The following RBPJ variants were observed in gnomAD, a reference collection of about 807,000 sequenced individuals.
RBPJ encodes recombination signal binding protein for immunoglobulin kappa J region.
In RBPJ, 9 loss-of-function variants were observed where a neutral mutation model predicts 67.8. That is an observed-to-expected ratio of 0.13 (90% CI 0.08 to 0.23). RBPJ has a LOEUF of 0.23. Ranked by LOEUF, RBPJ falls within the 10% of genes least tolerant of loss-of-function variation. The pLI is 1.00. For missense variants in RBPJ, 305 were observed against 595.6 expected, an observed-to-expected ratio of 0.51 and a Z score of 5.08; for synonymous variants, 198 against 203.3, an observed-to-expected ratio of 0.97 and a Z score of 0.22.
upstream of RBPJ, among the ~76,000 whole-genome samples, chr4:26,161,124 C>G (rs1419006290): frequency 6.6e-6 from 1 of 152,192 alleles, no homozygotes; most frequent in Non-Finnish European, 1.5e-5. Flanking sequence ...CAGTTCCAAG[C>G]CTCGGCCTCA....
intron 1 of RBPJ, among the ~76,000 whole-genome samples, chr4:26,213,396 T>C (rs970064646): frequency 6.6e-6 from 1 of 152,202 alleles, no homozygotes. Context: ...GGGTTTTTTT[T>C]CCTCTAAGAA....
the RBPJ span, among the ~76,000 whole-genome samples, chr4:26,155,761 T>C: frequency 1.3e-5 from 2 of 152,156 alleles, no homozygotes; most frequent in Non-Finnish European, 1.5e-5. Context: ...TTGTCAAACA[T>C]ACAACTCCTT....
chr4:26,157,092 AAC>A, the RBPJ span, among the ~76,000 whole-genome samples: 8 of 25,400 alleles, frequency 3.1e-4, no homozygotes, highest in South Asian at 1.7e-3. Context: ...CAAACAAACA[AAC>A]AAACAAAAAC....
chr4:26,301,896 G>A (rs1722089893), intron 1 of RBPJ, among the ~76,000 whole-genome samples: 1 of 152,124 alleles, frequency 6.6e-6, no homozygotes, highest in South Asian at 2.1e-4. Context: ...GGGTTCAAGT[G>A]ATTCTCCTGC....
intron 1 of RBPJ, among the ~76,000 whole-genome samples, chr4:26,355,820 T>C (rs1418021399): frequency 6.6e-6 from 1 of 152,218 alleles, no homozygotes; most frequent in Non-Finnish European, 1.5e-5. Context: ...CCATAGCTCA[T>C]GTAACAGGCA....
At chr4:26,207,348 TA>T (rs56399774) in intron 1 of RBPJ, among the ~76,000 whole-genome samples, 101,927 of 150,940 alleles carry the variant, frequency 0.68, 34,557 homozygotes, top group South Asian at 0.8. Flanking sequence ...TGTGTGTTTC[TA>T]AAAAAAAAAT....
the RBPJ span, among the ~76,000 whole-genome samples, chr4:26,105,849 C>T: frequency 1.3e-5 from 2 of 151,926 alleles, no homozygotes; most frequent in African/African-American, 4.8e-5. Context: ...TGATTTTGAT[C>T]TCTGCCCCAA....
At position 26,270,389 on chromosome 4, in the gene RBPJ, G is replaced by GAA. The variant is rs1396075052; in HGVS notation, c.-166-92055_-166-92054dup. Among the ~76,000 whole-genome samples, 85 of 57,786 alleles carry GAA rather than the reference G, an allele frequency of 1.5e-3. 9 individuals carry two copies. The highest frequency in any genetic ancestry group is 4.4e-3 in the African/African-American group (79 of 17,856). 37.9% of individuals were successfully genotyped at this position (57,786 alleles called of 152,430 possible). Reference sequence around the variant, plus strand: ...AGAAAGAAAGAAAGAAAGAAAGAAAGAAAGAAAGAAAGAAAGAAAGAAAGA... The same window carrying GAA: ...AGAAAGAAAGAAAGAAAGAAAGAAAGAAAAAGAAAGAAAGAAAGAAAGAAAGA... On this transcript the variant is annotated intron_variant, in intron 1 of 4. Transcript: ENST00000512351.
intron 1 of RBPJ, among the ~76,000 whole-genome samples, chr4:26,290,317 T>TAAA (rs35451160): frequency 9.1e-6 from 1 of 109,368 alleles, no homozygotes; most frequent in Non-Finnish European, 1.8e-5. Flanking sequence ...AGACCCTGTC[T>TAAA]AAAAAAAAAA....
chr4:26,346,626 G>C (rs1726178310), intron 1 of RBPJ, among the ~76,000 whole-genome samples: 1 of 152,150 alleles, frequency 6.6e-6, no homozygotes, highest in Non-Finnish European at 1.5e-5. Flanking sequence ...ACCTTACTGA[G>C]GACTTCCATA....
intron 1 of RBPJ, among the ~76,000 whole-genome samples, chr4:26,260,631 T>C (rs1720495099): frequency 6.6e-6 from 1 of 152,204 alleles, no homozygotes; most frequent in Admixed American, 6.5e-5. Context: ...GGCAATGACT[T>C]ATAAGGGAAT....
At chr4:26,373,023 C>G (rs183763582) in intron 1 of RBPJ, among the ~76,000 whole-genome samples, 2 of 152,104 alleles carry the variant, frequency 1.3e-5, no homozygotes, top group African/African-American at 4.8e-5. Flanking sequence ...TGGTTAAGAC[C>G]GCTTCTTCAA....
intron 3 of RBPJ, among the ~76,000 whole-genome samples, chr4:26,408,044 T>C (rs1733638457): frequency 6.6e-6 from 1 of 151,732 alleles, no homozygotes; most frequent in Admixed American, 6.6e-5. Context: ...CCAGCTAATT[T>C]TTGTATTTTT....
chr4:26,399,078 C>T (rs1732480545), intron 2 of RBPJ, among the ~76,000 whole-genome samples: 1 of 152,026 alleles, frequency 6.6e-6, no homozygotes, highest in Non-Finnish European at 1.5e-5. Context: ...TTTAAAAATC[C>T]TGTAAAGAGA....
At chr4:26,111,217 T>C in the RBPJ span, among the ~76,000 whole-genome samples, 8,950 of 151,788 alleles carry the variant, frequency 0.059, 864 homozygotes, top group African/African-American at 0.21. Context: ...TCCTTCAAAC[T>C]CTTCTCATTG....
chr4:26,197,062 A>T (rs1174800852), intron 1 of RBPJ, among the ~76,000 whole-genome samples: 1 of 152,134 alleles, frequency 6.6e-6, no homozygotes, highest in African/African-American at 2.4e-5. Flanking sequence ...TTATTTTTGT[A>T]ATAACTGGTT....
chr4:26,428,508 A>G (rs2109834208), intron 7 of RBPJ: 1 of 470,974 alleles, frequency 2.1e-6, no homozygotes. Context: ...GAAGAGGGTA[A>G]CAGTTTCTAC....
At chr4:26,128,399 G>T in the RBPJ span, among the ~76,000 whole-genome samples, 6 of 152,104 alleles carry the variant, frequency 3.9e-5, no homozygotes, top group African/African-American at 1.4e-4. Flanking sequence ...AATAATAATG[G>T]CAAACATTTA....
intron 1 of RBPJ, among the ~76,000 whole-genome samples, chr4:26,377,856 A>G (rs996780757): frequency 2.6e-5 from 4 of 152,196 alleles, no homozygotes; most frequent in African/African-American, 7.2e-5. Context: ...AGTTTACCTA[A>G]GCCAAACTTA....
Sources: gnomAD v4.1 joint callset for allele counts (sites outside exome capture counted in the v4.1 genomes callset) on GRCh38, gnomAD v4.1.1 for gene constraint, MANE v1.5 for transcripts, NCBI Gene and HGNC (gene_info 2026-07-23, HGNC 2026-07-21) for gene names.